The following MAP3K21 variants were observed in gnomAD, a reference collection of about 807,000 sequenced individuals.
MAP3K21 encodes mitogen-activated protein kinase kinase kinase MLK4.
In MAP3K21, 63 loss-of-function variants were observed where a neutral mutation model predicts 86.1. The ratio of observed to expected loss-of-function variants is 0.73; its 90% CI spans 0.60 to 0.90. The LOEUF (loss-of-function observed/expected upper bound fraction) is 0.90. Among genes scored for constraint, MAP3K21 ranks in the 40% least tolerant of loss-of-function variants. The pLI is 0.00. For synonymous variants in MAP3K21, 558 were observed against 564.8 expected, an observed-to-expected ratio of 0.99 and a Z score of 0.17; for missense variants, 1,220 against 1,367.7, an observed-to-expected ratio of 0.89 and a Z score of 1.70.
At chr1:233,338,575 C>T (rs1036520527) in intron 1 of MAP3K21, among the ~76,000 whole-genome samples, 1 of 152,124 alleles carries the variant, frequency 6.6e-6, no homozygotes, top group African/African-American at 2.4e-5. Context: ...GGATTTTCAG[C>T]AGTATCTAAG....
intron 1 of MAP3K21, among the ~76,000 whole-genome samples, chr1:233,345,135 G>A (rs577667080): frequency 6.6e-6 from 1 of 152,322 alleles, no homozygotes. Flanking sequence ...CTGTTGGTGG[G>A]AGTGTAAACT....
intron 6 of MAP3K21, 90 bp downstream of exon 6, chr1:233,372,250 A>T (rs2102764550): frequency 6.6e-7 from 1 of 1,506,048 alleles, no homozygotes; most frequent in Middle Eastern, 1.9e-4. Context: ...GTGTTTTCAT[A>T]GCAGGTTGTA....
Position 233,379,677 on chromosome 1 carries a change from A to G in MAP3K21, c.2671A>G (p.Arg891Gly), listed in dbSNP as rs928452537. 3 of 1,613,120 alleles carry G rather than the reference A, an allele frequency of 1.9e-6. No homozygotes were observed. The highest frequency in any genetic ancestry group is 2.5e-6 in the Non-Finnish European group (3 of 1,179,960). ...TTCAAAACATAGACCGTCACATCAC[A>G]GACGGACCATGTCTGATGGAAATCC... Reference protein sequence around the residue: ...ASSKHRPSHHRRTMSDGNPTP... With the variant: ...ASSKHRPSHHGRTMSDGNPTP... Residue 891 changes from arginine (R) to glycine (G), a missense_variant, in exon 9 of 10, where the codon AGA becomes GGA. Arg to Gly is a moderately radical substitution (Grantham distance 125). Around this residue, in one of 5 missense-constraint regions of MAP3K21, gnomAD observed 632 missense variants for 691.3 expected, o/e 0.91. Transcript: ENST00000366624.
chr1:233,359,724 G>A (rs1321558942), intron 4 of MAP3K21, among the ~76,000 whole-genome samples: 1 of 152,210 alleles, frequency 6.6e-6, no homozygotes, highest in Non-Finnish European at 1.5e-5. Flanking sequence ...CAGGGATCTG[G>A]ATTTGCCATT....
chr1:233,373,967 C>T (rs1663737314), intron 6 of MAP3K21: 1 of 152,102 alleles, frequency 6.6e-6, no homozygotes, highest in South Asian at 2.1e-4. Context: ...GTGTAGATAG[C>T]TCTGGGAGTG....
chr1:233,336,210 A>C (rs1301500820), intron 1 of MAP3K21, among the ~76,000 whole-genome samples: 1 of 152,108 alleles, frequency 6.6e-6, no homozygotes, highest in African/African-American at 2.4e-5. Flanking sequence ...AAAATCTTGG[A>C]ATATATAGAA....
At chr1:233,329,265 G>A (rs1019914914) in intron 1 of MAP3K21, among the ~76,000 whole-genome samples, 2 of 152,126 alleles carry the variant, frequency 1.3e-5, no homozygotes, top group African/African-American at 4.8e-5. Flanking sequence ...ACTCGGGGAC[G>A]TCAACTTTAC....
At chr1:233,372,998 T>C (rs1279836541) in intron 6 of MAP3K21, 1 of 152,110 alleles carries the variant, frequency 6.6e-6, no homozygotes, top group Admixed American at 6.5e-5. Flanking sequence ...GAGGCTTGCA[T>C]GGAATCTCAT....
chr1:233,375,734 T>C (rs1198781244), intron 6 of MAP3K21, 182 bp from the exon 7 acceptor site: 2 of 535,904 alleles, frequency 3.7e-6, no homozygotes, highest in South Asian at 2.9e-5. Flanking sequence ...TTTTTCTTGA[T>C]GTTTTTATGA....
intron 5 of MAP3K21, among the ~76,000 whole-genome samples, chr1:233,368,891 G>A (rs939317491): frequency 3.3e-5 from 5 of 150,334 alleles, no homozygotes; most frequent in Non-Finnish European, 7.4e-5. Flanking sequence ...TGCAGTCTCT[G>A]CACTCATGTT....
chr1:233,371,842 C>T (rs976620542), intron 5 of MAP3K21, among the ~76,000 whole-genome samples, 196 bp from the exon 6 acceptor site: 2 of 149,244 alleles, frequency 1.3e-5, no homozygotes, highest in Non-Finnish European at 3.0e-5. Context: ...TGACTATATC[C>T]AACATATAAG....
At chr1:233,369,554 A>G (rs1010603424) in intron 5 of MAP3K21, among the ~76,000 whole-genome samples, 2 of 152,176 alleles carry the variant, frequency 1.3e-5, no homozygotes, top group Non-Finnish European at 2.9e-5. Context: ...ACACTGCCCT[A>G]TGGGCCCAAT....
At chr1:233,377,344 C>G (rs533763659) in intron 8 of MAP3K21, among the ~76,000 whole-genome samples, 26 of 152,210 alleles carry the variant, frequency 1.7e-4, no homozygotes, top group African/African-American at 6.3e-4. Flanking sequence ...GTACTTTGAT[C>G]AAATTAAAGA....
At chr1:233,339,501 G>A (rs1662996608) in intron 1 of MAP3K21, among the ~76,000 whole-genome samples, 3 of 116,118 alleles carry the variant, frequency 2.6e-5, no homozygotes, top group Admixed American at 9.5e-5. Flanking sequence ...TTTTTTTTGA[G>A]GCAGGGTCTT....
chr1:233,374,364 C>T (rs559891547), intron 6 of MAP3K21, among the ~76,000 whole-genome samples: 3 of 152,010 alleles, frequency 2.0e-5, no homozygotes, highest in African/African-American at 7.2e-5. Context: ...TTAGTAAAGA[C>T]GGAGTTTCAC....
chr1:233,355,856 T>C (rs1380795201), intron 4 of MAP3K21, among the ~76,000 whole-genome samples: 2 of 152,232 alleles, frequency 1.3e-5, no homozygotes, highest in Non-Finnish European at 1.5e-5. Flanking sequence ...CTGGGCACTC[T>C]CTGTGCAGCC....
Position 233,349,577 on chromosome 1 carries a change from T to C in MAP3K21, c.986+2955T>C, listed in dbSNP as rs60035693. ...AATATGGGCCTTTAAGCCCCACACA[T>C]TCTCTAGAGAAGTCACCTCTCAAAA... On this transcript the variant is annotated intron_variant, in intron 2 of 9. Transcript: ENST00000366624. 6.0e-3 allele frequency among the ~76,000 whole-genome samples: 916 copies of C among 152,258 alleles called. 19 individuals are homozygous for C. The East Asian group carries it at 0.062, about 10-fold the overall frequency.
intron 4 of MAP3K21, among the ~76,000 whole-genome samples, chr1:233,356,043 C>G (rs927659543): frequency 6.6e-6 from 1 of 152,202 alleles, no homozygotes; most frequent in Admixed American, 6.6e-5. Flanking sequence ...ATGTCATGCT[C>G]CTGACCTGTA....
intron 4 of MAP3K21, among the ~76,000 whole-genome samples, chr1:233,357,210 C>T (rs552013333): frequency 9.1e-4 from 138 of 152,074 alleles, no homozygotes; most frequent in African/African-American, 3.2e-3. Context: ...ACAATGAGAA[C>T]GCTTGGACAC....
Sources: allele counts gnomAD v4.1 joint callset (sites outside exome capture counted in the v4.1 genomes callset), GRCh38; gene constraint gnomAD v4.1.1; regional missense constraint gnomAD v4.1.1; transcripts MANE v1.5; gene names NCBI Gene and HGNC (gene_info 2026-07-23, HGNC 2026-07-21).